Variants in RAPGEF1 observed in about 807,000 individuals in gnomAD.
RAPGEF1 encodes the protein Rap guanine nucleotide exchange factor 1, also known as CRK SH3-binding GNRP.
RAPGEF1 carries 33 observed loss-of-function variants against 143.3 expected under a neutral mutation model. The ratio of observed to expected loss-of-function variants is 0.23; its 90% CI spans 0.17 to 0.31. The LOEUF (loss-of-function observed/expected upper bound fraction) is 0.31. Among genes scored for constraint, RAPGEF1 ranks in the 10% least tolerant of loss-of-function variants. RAPGEF1 has a pLI of 1.00. For synonymous variants in RAPGEF1, 629 were observed against 676.5 expected, an observed-to-expected ratio of 0.93 and a Z score of 1.09; for missense variants, 1,199 against 1,645.4, an observed-to-expected ratio of 0.73 and a Z score of 4.69.
At chr9:131,679,918 G>C (rs558305401) in intron 1 of RAPGEF1, among the ~76,000 whole-genome samples, 2 of 152,328 alleles carry the variant, frequency 1.3e-5, no homozygotes, top group African/African-American at 4.8e-5. Context: ...AGTGGGAAGC[G>C]AGTCACAGGC....
intron 12 of RAPGEF1, among the ~76,000 whole-genome samples, chr9:131,612,440 T>G (rs1371338453): frequency 6.6e-6 from 1 of 152,162 alleles, no homozygotes. Flanking sequence ...TCAGAGTGGT[T>G]GCTTTTGAAA....
chr9:131,592,129 G>A lies in RAPGEF1; in HGVS notation c.2744C>T (p.Pro915Leu), dbSNP rs1257127843. 1 of 1,612,680 alleles carries A rather than the reference G, an allele frequency of 6.2e-7. No individual in the cohort carries two copies. Among genetic ancestry groups the A allele is most frequent in the Admixed American group, 1.7e-5 (1 of 60,016 alleles). ...CTGCAGCTTCTTGATGAGCTCCTCT[G>A]GGGAGATGAAGGTCCTGTAGGTGGT... ...FLTTYRTFIS[P>L]EELIKKLQYR... Residue 915 changes from proline (P) to leucine (L), a missense_variant, in exon 18 of 27, where the codon CCA becomes CTA. Pro to Leu is a moderately conservative substitution (Grantham distance 98). Transcript: ENST00000683357.
intron 1 of RAPGEF1, among the ~76,000 whole-genome samples, chr9:131,703,366 A>G (rs759619705): frequency 1.3e-5 from 2 of 152,142 alleles, no homozygotes; most frequent in Non-Finnish European, 2.9e-5. Context: ...CGTTTGTTCC[A>G]ATGTTTTTCT....
At chr9:131,694,321 C>G (rs543756625) in intron 1 of RAPGEF1, among the ~76,000 whole-genome samples, 34 of 152,292 alleles carry the variant, frequency 2.2e-4, no homozygotes, top group African/African-American at 8.2e-4. Context: ...GAATGAACTT[C>G]TCTCCCAAGC....
rs371376778 is a variant in RAPGEF1, at chr9:131,592,077, TG to T, written c.2774+21del. The T allele has an allele frequency of 1.0e-5, 16 of 1,577,262 alleles. No individual in the cohort carries two copies. The South Asian group carries it at 1.1e-4, about 11-fold the overall frequency. On this transcript the variant is annotated intron_variant, in intron 18 of 26. Coordinates refer to ENST00000683357, the MANE Select transcript of RAPGEF1 (RefSeq NM_001377935.1). ...CAAAATGCCCATGGTGCAGGGGCCC[TG>T]GGTCAGGAAGGAAAGGATATCTGTA...
intron 9 of RAPGEF1, 87 bp from the exon 10 acceptor site, chr9:131,626,509 C>A (rs567661216): frequency 7.3e-7 from 1 of 1,365,226 alleles, no homozygotes; most frequent in Non-Finnish European, 9.9e-7. Flanking sequence ...CTCGCCGGCT[C>A]GCTCATGGGT....
At chr9:131,703,789 G>A (rs1834842996) in intron 1 of RAPGEF1, among the ~76,000 whole-genome samples, 1 of 152,222 alleles carries the variant, frequency 6.6e-6, no homozygotes, top group South Asian at 2.1e-4. Flanking sequence ...AGTGACCACT[G>A]CTGATGGTCA....
chr9:131,739,910 G>GA lies in RAPGEF1; in HGVS notation c.-81dup. On this transcript the variant is annotated 5_prime_UTR_variant, in exon 1 of 27. The change abolishes the stop of an existing upstream ORF in the 5' untranslated region. Coordinates refer to ENST00000683357, the MANE Select transcript of RAPGEF1 (RefSeq NM_001377935.1). Reference sequence around the variant, plus strand: ...CTCGGCCCTGGCTCGCCACGCCTCAGACCCGCGCCGGCATGGCGGGCTCCG... The same window carrying GA: ...CTCGGCCCTGGCTCGCCACGCCTCAGAACCCGCGCCGGCATGGCGGGCTCCG... 1.2e-6 allele frequency: 1 copy of GA among 844,774 alleles called. No homozygotes were observed. The highest frequency in any genetic ancestry group is 1.4e-6 in the Non-Finnish European group (1 of 704,290). The allele number at this position is 844,774 out of a possible 1,614,324, so 52.3% of individuals were successfully genotyped here.
chr9:131,643,852 G>A (rs1428572045), intron 3 of RAPGEF1, among the ~76,000 whole-genome samples: 2 of 152,144 alleles, frequency 1.3e-5, no homozygotes, highest in African/African-American at 4.8e-5. Flanking sequence ...TCAAAGATCT[G>A]AAAGACTGTG....
In RAPGEF1 at chr9:131,638,668, C is replaced by G; in HGVS notation, c.618G>C (p.Lys206Asn). ...CATCCAGCACAGCCTTGATGACCCC[C>G]TTCACAGTCGTCACCATCTCCTTGT... Reference protein sequence around the residue: ...SEDKEMVTTVKGVIKAVLDGV... With the variant: ...SEDKEMVTTVNGVIKAVLDGV... The change falls in exon 5 of 27, where the codon AAG (lysine) becomes AAC (asparagine). Residue 206 changes from lysine to asparagine, a missense_variant. By Grantham distance (94) the Lys-to-Asn change is moderately conservative. Coordinates refer to ENST00000683357, the MANE Select transcript of RAPGEF1 (RefSeq NM_001377935.1). 6.2e-7 allele frequency: 1 copy of G among 1,614,058 alleles called. No homozygotes were observed. Among genetic ancestry groups the G allele is most frequent in the South Asian group, 1.1e-5 (1 of 91,084 alleles).
chr9:131,650,272 G>C lies in RAPGEF1; in HGVS notation c.202-30C>G. ...AAGAGAGGAAACCTGGATTCCTACAGAGTTTGAAATGGCTGTTTGAGGCCG... is the reference window on the plus strand; with the variant it reads ...AAGAGAGGAAACCTGGATTCCTACACAGTTTGAAATGGCTGTTTGAGGCCG... On this transcript the variant is annotated intron_variant, in intron 2 of 26. Coordinates refer to ENST00000683357, the MANE Select transcript of RAPGEF1 (RefSeq NM_001377935.1). The surrounding 1 kb of genome is among the most constrained non-coding windows in gnomAD (Gnocchi z 4.7). The C allele has an allele frequency of 6.4e-7, 1 of 1,555,166 alleles. No individual in the cohort carries two copies. The highest frequency in any genetic ancestry group is 1.1e-5 in the South Asian group (1 of 88,728).
chr9:131,627,886 T>C (rs780965171), intron 9 of RAPGEF1, 27 bp downstream of exon 9: 1 of 1,561,966 alleles, frequency 6.4e-7, no homozygotes, highest in Non-Finnish European at 8.7e-7. Flanking sequence ...CGAGACACGA[T>C]GGAACAGGAG....
At chr9:131,726,121 T>C (rs776536456) in intron 1 of RAPGEF1, among the ~76,000 whole-genome samples, 1 of 151,676 alleles carries the variant, frequency 6.6e-6, no homozygotes, top group Non-Finnish European at 1.5e-5. Context: ...AACAGACAGA[T>C]AGTCAGCCAA....
chr9:131,596,517 AGT>A (rs1955317293), intron 16 of RAPGEF1, 144 bp from the exon 17 acceptor site: 2 of 835,580 alleles, frequency 2.4e-6, no homozygotes, highest in Non-Finnish European at 3.9e-6. Flanking sequence ...GCCCAGGAGC[AGT>A]GTGGCTGCGC....
chr9:131,681,542 C>T lies in RAPGEF1; in HGVS notation c.62-30593G>A, dbSNP rs181873040. On this transcript the variant is annotated intron_variant, in intron 1 of 26. Coordinates refer to ENST00000683357, the MANE Select transcript of RAPGEF1 (RefSeq NM_001377935.1). ...GTTAAAGAATGTTGCTGTTTCCAGT[C>T]GGATGATTCCTACTGACTGGGATGC... 4.1e-4 allele frequency among the ~76,000 whole-genome samples: 63 copies of T among 152,328 alleles called. 1 individual carries two copies. The highest frequency in any genetic ancestry group is 7.8e-4 in the Admixed American group (12 of 15,306).
rs1172083321 is a variant in RAPGEF1 at position 131,699,219 on chromosome 9, C to A, written c.61+40551G>T. Among the ~76,000 whole-genome samples, 5 of 151,694 alleles carry A rather than the reference C, an allele frequency of 3.3e-5. No individual in the cohort carries two copies. The East Asian group carries it at 9.7e-4, about 29-fold the overall frequency. The stretch of plus-strand genomic sequence containing the variant: ...CTCTGCTCATTCTTTGACACTTTCA[C>A]ACCCAACACTCCACTGACACTTTTT... On this transcript the variant is annotated intron_variant, in intron 1 of 26. Transcript: ENST00000683357.
chr9:131,708,347 C>T (rs1357303358), intron 1 of RAPGEF1, among the ~76,000 whole-genome samples: 5 of 152,206 alleles, frequency 3.3e-5, no homozygotes, highest in Non-Finnish European at 5.9e-5. Flanking sequence ...GCCTGCCAGC[C>T]GGCCGGTCTC....
At chr9:131,739,063 T>G (rs1837588311) in intron 1 of RAPGEF1, among the ~76,000 whole-genome samples, 1 of 152,162 alleles carries the variant, frequency 6.6e-6, no homozygotes, top group Non-Finnish European at 1.5e-5. Flanking sequence ...CCCCACAGGC[T>G]CGACAGTCAT....
At chr9:131,671,749 G>A (rs1336181305) in intron 1 of RAPGEF1, among the ~76,000 whole-genome samples, 2 of 152,182 alleles carry the variant, frequency 1.3e-5, no homozygotes, top group African/African-American at 2.4e-5. Context: ...GGGCAGTTGA[G>A]CTGGGGGAGA....
Sources: gnomAD v4.1 joint callset for allele counts (sites outside exome capture counted in the v4.1 genomes callset) on GRCh38, gnomAD v4.1.1 for gene constraint, Gnocchi (gnomAD v3.1) non-coding constraint, MANE v1.5 for transcripts, NCBI Gene and HGNC (gene_info 2026-07-23, HGNC 2026-07-21) for gene names.